The following DGKB variants were observed in gnomAD, a reference collection of about 807,000 sequenced individuals.
DGKB encodes the protein 90 kDa diacylglycerol kinase.
In DGKB, 67 loss-of-function variants were observed where a neutral mutation model predicts 114.3. That is an observed-to-expected ratio of 0.59 (90% CI 0.48 to 0.72). DGKB has a LOEUF of 0.72. Ranked by LOEUF, DGKB falls within the 30% of genes least tolerant of loss-of-function variation. The pLI is 0.00. For synonymous variants in DGKB, 398 were observed against 323.1 expected (o/e 1.23, Z -2.49); for missense variants, 907 against 975.2 (o/e 0.93, Z 0.93).
intron 2 of DGKB, among the ~76,000 whole-genome samples, chr7:14,767,793 T>C (rs192354978): frequency 5.3e-4 from 81 of 152,126 alleles, no homozygotes; most frequent in Non-Finnish European, 9.0e-4. Context: ...CATTTTTGAA[T>C]GTGTACATTA....
intron 20 of DGKB, among the ~76,000 whole-genome samples, chr7:14,529,921 A>T (rs1791283239): frequency 6.6e-6 from 1 of 151,776 alleles, no homozygotes; most frequent in Admixed American, 6.6e-5. Context: ...ACAAATACTT[A>T]GTCAAGTGAA....
chr7:14,741,723 C>A (rs1586146104), intron 4 of DGKB, among the ~76,000 whole-genome samples: 1 of 152,162 alleles, frequency 6.6e-6, no homozygotes, highest in Admixed American at 6.5e-5. Context: ...TTTGAAAATA[C>A]CTTGTATACT....
intron 1 of DGKB, among the ~76,000 whole-genome samples, chr7:14,919,066 A>G (rs866499102): frequency 2.3e-4 from 26 of 113,782 alleles, no homozygotes; most frequent in Middle Eastern, 4.2e-3. Context: ...CCACACGCAC[A>G]CACACACACA....
At chr7:14,816,616 C>G (rs1050224047) in intron 2 of DGKB, 6 of 152,076 alleles carry the variant, frequency 3.9e-5, no homozygotes, top group Non-Finnish European at 7.4e-5. Context: ...CTCTCTAAAT[C>G]TTAATTTTCT....
chr7:14,465,928 G>A (rs1436717880), intron 21 of DGKB, among the ~76,000 whole-genome samples: 2 of 151,812 alleles, frequency 1.3e-5, no homozygotes, highest in African/African-American at 4.9e-5. Context: ...CAATTATTGA[G>A]ACTTTCTGTG....
chr7:14,241,696 A>G (rs563108283), intron 23 of DGKB, among the ~76,000 whole-genome samples: 2 of 152,128 alleles, frequency 1.3e-5, no homozygotes, highest in Non-Finnish European at 2.9e-5. Context: ...CAGGGAGTTT[A>G]TAAATACATC....
At chr7:14,303,171 C>T (rs569692489) in intron 23 of DGKB, among the ~76,000 whole-genome samples, 2 of 152,206 alleles carry the variant, frequency 1.3e-5, no homozygotes, top group African/African-American at 2.4e-5. Flanking sequence ...CTTTCAGGGA[C>T]ATTATACACA....
chr7:14,433,929 G>C (rs1024636103), intron 21 of DGKB, among the ~76,000 whole-genome samples: 1 of 152,136 alleles, frequency 6.6e-6, no homozygotes. Context: ...ATGATTTTGT[G>C]CATGCAACAA....
At chr7:14,236,466 A>C (rs1303880972) in intron 23 of DGKB, among the ~76,000 whole-genome samples, 1 of 151,860 alleles carries the variant, frequency 6.6e-6, no homozygotes, top group African/African-American at 2.4e-5. Flanking sequence ...ACTAAAGAAG[A>C]AAAAAAACTT....
chr7:14,880,999 G>A (rs1854142990), intron 1 of DGKB, among the ~76,000 whole-genome samples: 1 of 151,986 alleles, frequency 6.6e-6, no homozygotes, highest in East Asian at 1.9e-4. Context: ...ATAACAATGA[G>A]GCTGTTAGGC....
chr7:14,955,496 G>C (rs769541196), intron 1 of DGKB, among the ~76,000 whole-genome samples: 1 of 152,012 alleles, frequency 6.6e-6, no homozygotes, highest in Non-Finnish European at 1.5e-5. Context: ...GAAGCCTCAA[G>C]TGACTGAGGA....
At chr7:14,369,770 TG>T (rs1288891472) in intron 21 of DGKB, among the ~76,000 whole-genome samples, 1 of 152,230 alleles carries the variant, frequency 6.6e-6, no homozygotes, top group African/African-American at 2.4e-5. Context: ...TGTGGTTGTT[TG>T]TTTTTTTCTA....
intron 1 of DGKB, among the ~76,000 whole-genome samples, chr7:14,949,103 T>C (rs139947371): frequency 1.1e-3 from 167 of 151,904 alleles, no homozygotes; most frequent in African/African-American, 3.7e-3. Flanking sequence ...AAGTGAAATT[T>C]TGCAAGCCAA....
chr7:14,766,977 TG>T lies in DGKB; in HGVS notation c.71-9247del, dbSNP rs537092484. On this transcript the variant is annotated intron_variant, in intron 2 of 25. Coordinates refer to ENST00000402815, the MANE Select transcript of DGKB (RefSeq NM_001350709.2). ...TCAAGGGCTGTTTCAATTCAGTAGC[TG>T]GGAAAAAAAAAATAAACCCAGAGTG... is the stretch of plus-strand genomic sequence containing the variant. Among the ~76,000 whole-genome samples the T allele has an allele frequency of 6.6e-5, 10 of 150,724 alleles. No individual in the cohort carries two copies. The East Asian group carries it at 2.0e-3, about 29-fold the overall frequency.
chr7:14,908,662 C>A (rs1156969815), intron 1 of DGKB, among the ~76,000 whole-genome samples: 1 of 151,998 alleles, frequency 6.6e-6, no homozygotes, highest in Non-Finnish European at 1.5e-5. Context: ...TCTATCATAT[C>A]TTATATGTGA....
At chr7:14,563,567 C>T (rs182271741) in intron 20 of DGKB, among the ~76,000 whole-genome samples, 7 of 146,824 alleles carry the variant, frequency 4.8e-5, no homozygotes, top group Admixed American at 3.4e-4. Flanking sequence ...TTTGTTTATG[C>T]GTTATTTTCT....
rs28420439 is a variant in DGKB, at chr7:14,468,331, T to C, written c.1835+9830A>G. On this transcript the variant is annotated intron_variant, in intron 21 of 25. Transcript: ENST00000402815. ...GGTCTCTTCTGTCTCCAGCACACAATTGAATTTTGTTGCAGTTGGAGAGGC... is the reference window on the plus strand; with the variant it reads ...GGTCTCTTCTGTCTCCAGCACACAACTGAATTTTGTTGCAGTTGGAGAGGC... Among the ~76,000 whole-genome samples the C allele has an allele frequency of 1.1e-3, 169 of 152,112 alleles. 1 individual carries two copies. Among genetic ancestry groups the C allele is most frequent in the African/African-American group, 3.8e-3 (157 of 41,532 alleles).
intron 14 of DGKB, 36 bp from the exon 15 acceptor site, chr7:14,621,530 A>C (rs201431205): frequency 8.0e-7 from 1 of 1,251,870 alleles, no homozygotes. Context: ...AATAAAAATT[A>C]GGAAAATAAC....
chr7:14,451,633 T>C (rs544942464), intron 21 of DGKB, among the ~76,000 whole-genome samples: 1 of 152,114 alleles, frequency 6.6e-6, no homozygotes, highest in East Asian at 1.9e-4. Context: ...TCCTATGTTA[T>C]AAGAAACTGT....
Sources: gnomAD v4.1 joint callset for allele counts (sites outside exome capture counted in the v4.1 genomes callset) on GRCh38, gnomAD v4.1.1 for gene constraint, MANE v1.5 for transcripts, NCBI Gene and HGNC (gene_info 2026-07-23, HGNC 2026-07-21) for gene names.